Variants in MYH8 observed in about 807,000 individuals in gnomAD.
MYH8 encodes myosin-8.
Under a neutral mutation model 233.2 loss-of-function variants are expected in MYH8, and 168 were observed. The ratio of observed to expected loss-of-function variants is 0.72; its 90% CI spans 0.64 to 0.82. MYH8 has a LOEUF of 0.82. Ranked by LOEUF, MYH8 falls within the 40% of genes least tolerant of loss-of-function variation. The pLI, the probability that MYH8 is intolerant of heterozygous loss-of-function variation, is 0.00. For synonymous variants in MYH8, 785 were observed against 850.6 expected (o/e 0.92, Z 1.34); for missense variants, 1,995 against 2,327.8 (o/e 0.86, Z 2.94).
chr17:10,415,842 A>T lies in MYH8; in HGVS notation c.512-134T>A. The T allele has an allele frequency of 2.1e-6, 2 of 963,112 alleles. No individual in the cohort carries two copies. The highest frequency in any genetic ancestry group is 3.2e-6 in the Non-Finnish European group (2 of 626,978). The allele number at this position is 963,112 out of a possible 1,614,324, so 59.7% of individuals were successfully genotyped here. On this transcript the variant is annotated intron_variant, in intron 5 of 39. Transcript: ENST00000403437. The surrounding 1 kb of genome is among the most constrained non-coding windows in gnomAD (Gnocchi z 4.1). Reference sequence around the variant, plus strand: ...CACCTTTGGTTTTGATTTTGTGTTTATCCTCCAAAATAGCCAATTGCTTCT... The same window carrying T: ...CACCTTTGGTTTTGATTTTGTGTTTTTCCTCCAAAATAGCCAATTGCTTCT...
intron 2 of MYH8, among the ~76,000 whole-genome samples, chr17:10,421,292 AG>A (rs1475306393): frequency 6.6e-6 from 1 of 152,178 alleles, no homozygotes; most frequent in Non-Finnish European, 1.5e-5. Context: ...TTATATTTCT[AG>A]GTAAAAATCT....
At position 10,407,849 on chromosome 17, in the gene MYH8, T is replaced by A. The variant is rs531632501; in HGVS notation, c.1966-870A>T. On this transcript the variant is annotated intron_variant, in intron 17 of 39. Coordinates refer to ENST00000403437, the MANE Select transcript of MYH8 (RefSeq NM_002472.3). ...GCAAGACTCTGTCTCGAAAAAAAAA[T>A]AAATAAATAAAATAAAATAAAATTA... 7.3e-4 allele frequency among the ~76,000 whole-genome samples: 110 copies of A among 150,092 alleles called. 2 individuals carry two copies. The highest frequency in any genetic ancestry group is 1.4e-3 in the African/African-American group (58 of 40,984).
intron 34 of MYH8, 99 bp from the exon 35 acceptor site, chr17:10,394,551 A>T (rs2072062743): frequency 7.1e-7 from 1 of 1,404,138 alleles, no homozygotes. Context: ...GGAACAGAAG[A>T]TGACATATGC....
In MYH8 at chr17:10,396,534, G is replaced by T. The variant is rs745420504; in HGVS notation, c.4528+19C>A. On this transcript the variant is annotated intron_variant, in intron 32 of 39. Transcript: ENST00000403437. The surrounding 1 kb of genome is among the most constrained non-coding windows in gnomAD (Gnocchi z 4.2). The stretch of plus-strand genomic sequence containing the variant: ...TCCTCCCAGGGATATATGGAGTAGG[G>T]AGGACTGTGAGGACTCACGTTGCAA... 1 of 1,613,844 alleles carries T rather than the reference G, an allele frequency of 6.2e-7. No individual in the cohort carries two copies. The highest frequency in any genetic ancestry group is 2.2e-5 in the East Asian group (1 of 44,878).
chr17:10,393,426 G>A (rs1471701808), intron 35 of MYH8, among the ~76,000 whole-genome samples: 1 of 152,198 alleles, frequency 6.6e-6, no homozygotes, highest in East Asian at 1.9e-4. Context: ...AAGGACTTCT[G>A]AGGTTTGAGA....
rs1271227321 is a variant in MYH8 at position 10,406,299 on chromosome 17, G to A, written c.2270C>T (p.Thr757Ile). Residue 757 changes from threonine (T) to isoleucine (I), a missense_variant, in exon 20 of 40, where the codon ACT becomes ATT. Transcript: ENST00000403437. Reference protein sequence around the residue: ...KLLASIDIDHTQYKFGHTKVF... With the variant: ...KLLASIDIDHIQYKFGHTKVF... The stretch of plus-strand genomic sequence containing the variant: ...CTTGGTATGTCCAAATTTATATTGA[G>A]TATGATCAATATCAATAGATGCAAG... 1 of 1,613,214 alleles carries A rather than the reference G, an allele frequency of 6.2e-7. No individual in the cohort carries two copies. Among genetic ancestry groups the A allele is most frequent in the Admixed American group, 1.7e-5 (1 of 60,016 alleles).
chr17:10,393,869 C>A (rs2072052787), intron 35 of MYH8, among the ~76,000 whole-genome samples: 1 of 151,924 alleles, frequency 6.6e-6, no homozygotes, highest in Non-Finnish European at 1.5e-5. Context: ...CAATGAGAAA[C>A]ACTGCATGGA....
In MYH8 at chr17:10,420,158, T is replaced by C; in HGVS notation, c.70A>G (p.Lys24Glu). 1 of 1,614,174 alleles carries C rather than the reference T, an allele frequency of 6.2e-7. No individual in the cohort carries two copies. The highest frequency in any genetic ancestry group is 8.5e-7 in the Non-Finnish European group (1 of 1,180,042). The stretch of plus-strand genomic sequence containing the variant: ...TTGTTTTGGGCCTCAATCCGCTCCT[T>C]TTCTGATTTTCGAAGGTAGGGAGCA... ...EAAPYLRKSE[K>E]ERIEAQNKPF... Residue 24 changes from lysine to glutamate, a missense_variant, in exon 3 of 40, where the codon AAG (lysine) becomes GAG (glutamate). Physicochemically the swap from Lys to Glu is moderately conservative, Grantham distance 56. Coordinates refer to ENST00000403437, the MANE Select transcript of MYH8 (RefSeq NM_002472.3).
rs1290543576 is a variant in MYH8, at chr17:10,401,151, T to A, written c.3149A>T (p.Asp1050Val). Reference protein sequence around the residue: ...SLEQEKKLRMDLERAKRKLEG... With the variant: ...SLEQEKKLRMVLERAKRKLEG... ...CAGTTTCCGCTTTGCTCTTTCTAGATCCATTCGAAGCTTCTTTTCTTGTTC... is the reference window on the plus strand; with the variant it reads ...CAGTTTCCGCTTTGCTCTTTCTAGAACCATTCGAAGCTTCTTTTCTTGTTC... Residue 1050 changes from aspartate to valine, a missense_variant, in exon 25 of 40, where the codon GAT (aspartate) becomes GTT (valine). Physicochemically the swap from Asp to Val is radical, Grantham distance 152. Transcript: ENST00000403437. 6.2e-7 allele frequency: 1 copy of A among 1,613,834 alleles called. No individual in the cohort carries two copies. Among genetic ancestry groups the A allele is most frequent in the Admixed American group, 1.7e-5 (1 of 59,974 alleles).
chr17:10,421,935 G>A lies in MYH8; in HGVS notation c.-80C>T, dbSNP rs2072343498. On this transcript the variant is annotated 5_prime_UTR_variant, in exon 1 of 40. Coordinates refer to ENST00000403437, the MANE Select transcript of MYH8 (RefSeq NM_002472.3). Reference sequence around the variant, plus strand: ...CCAAGGCCTTCATCACTTACCTCTGGGTTCTTGGTGGAAATAAGGCACAAG... The same window carrying A: ...CCAAGGCCTTCATCACTTACCTCTGAGTTCTTGGTGGAAATAAGGCACAAG... The A allele has an allele frequency of 6.6e-6, 1 of 152,050 alleles. No homozygotes were observed. Among genetic ancestry groups the A allele is most frequent in the African/African-American group, 2.4e-5 (1 of 41,380 alleles). 9.4% of individuals were successfully genotyped at this position (152,050 alleles called of 1,614,324 possible). A position where few individuals can be genotyped will look rare whatever the true frequency, so the allele number is the denominator to read the frequency against.
chr17:10,390,475 G>A lies in MYH8; in HGVS notation c.5793C>T (p.His1931=). ...GTGTTTACTCTGCACTGATTTTTGT[G>A]TGAACCTCTCGGCTCTTCACTCGCA... ...NKLRVKSREV[H]TKISAE is the part of the protein sequence containing the mutation. Residue 1931 remains histidine (H), a synonymous_variant, in exon 40 of 40, where the codon CAC becomes CAT. Transcript: ENST00000403437. 1 of 1,613,740 alleles carries A rather than the reference G, an allele frequency of 6.2e-7. No homozygotes were observed. The highest frequency in any genetic ancestry group is 8.5e-7 in the Non-Finnish European group (1 of 1,180,036).
chr17:10,402,572 T>C (rs991221770), intron 22 of MYH8, among the ~76,000 whole-genome samples: 1 of 151,964 alleles, frequency 6.6e-6, no homozygotes, highest in African/African-American at 2.4e-5. Flanking sequence ...TTTTTAACAT[T>C]TTACTGTTTT....
Position 10,395,238 on chromosome 17 carries a change from C to A in MYH8, c.4857G>T (p.Lys1619Asn). ...TTTCATTCAGATCTCCTTCCATTTT[C>A]TTCTTGACTCTCAGAGCATCATTTC... ...RSRNDALRVK[K>N]KMEGDLNEME... Residue 1619 changes from lysine (K) to asparagine (N), a missense_variant, in exon 34 of 40, where the codon AAG becomes AAT. Physicochemically the swap from Lys to Asn is moderately conservative, Grantham distance 94. Around this residue, in one of 3 missense-constraint regions of MYH8, gnomAD observed 1,498 missense variants for 1,680.9 expected, o/e 0.89. Transcript: ENST00000403437. The A allele has an allele frequency of 6.2e-7, 1 of 1,614,152 alleles. No homozygotes were observed. The highest frequency in any genetic ancestry group is 2.2e-5 in the East Asian group (1 of 44,868).
intron 17 of MYH8, among the ~76,000 whole-genome samples, chr17:10,407,853 T>TAAATA (rs1374609214): frequency 6.6e-6 from 1 of 150,512 alleles, no homozygotes; most frequent in Non-Finnish European, 1.5e-5. Context: ...AAAAAATAAA[T>TAAATA]AAATAAAATA....
rs1203067291 is a variant in MYH8, at chr17:10,410,884, G to A, written c.1480C>T (p.His494Tyr). 3 of 1,613,836 alleles carry A rather than the reference G, an allele frequency of 1.9e-6. No homozygotes were observed. The highest frequency in any genetic ancestry group is 2.7e-5 in the African/African-American group (2 of 74,852). The change falls in exon 15 of 40, where the codon CAC becomes TAC. Residue 494 changes from histidine to tyrosine, a missense_variant. Physicochemically the swap from His to Tyr is moderately conservative, Grantham distance 83. This residue lies in a region of MYH8 where 18 missense variants were observed against 46.1 expected (regional missense o/e 0.39). Coordinates refer to ENST00000403437, the MANE Select transcript of MYH8 (RefSeq NM_002472.3). ...TNEKLQQFFN[H>Y]HMFVLEQEEY... ...TCCTGCTCTAGCACAAACATGTGGT[G>A]GTTGAAAAACTGTTGCAGTTTCTCG...
At position 10,390,436 on chromosome 17, in the gene MYH8, A is replaced by G. The variant is rs773239369; in HGVS notation, c.*18T>C. 1 of 1,612,866 alleles carries G rather than the reference A, an allele frequency of 6.2e-7. No homozygotes were observed. The highest frequency in any genetic ancestry group is 1.7e-5 in the Admixed American group (1 of 60,032). On this transcript the variant is annotated 3_prime_UTR_variant, in exon 40 of 40. Coordinates refer to ENST00000403437, the MANE Select transcript of MYH8 (RefSeq NM_002472.3). ...TTGTGCCTTTCTTCAGCCTCTTGATAGCATCAGGCAGGTGTGTTTACTCTG... is the reference window on the plus strand; with the variant it reads ...TTGTGCCTTTCTTCAGCCTCTTGATGGCATCAGGCAGGTGTGTTTACTCTG...
chr17:10,409,089 TACTTTACCCTGA>T lies in MYH8; in HGVS notation c.1961_1965+7del, dbSNP rs1432235673. On this transcript the variant is annotated splice_donor_variant and splice_donor_5th_base_variant and coding_sequence_variant and intron_variant, in exon 17 of 40. Transcript: ENST00000403437. LOFTEE classifies it high-confidence loss of function. ...GAGTAGATATTTCAAATTAAATTTG[TACTTTACCCTGA>T]AAAGGGCAGACACAGTCTGGAAAGA... 3 of 1,612,132 alleles carry T rather than the reference TACTTTACCCTGA, an allele frequency of 1.9e-6. 1 individual carries two copies. The South Asian group carries it at 3.3e-5, about 18-fold the overall frequency.
intron 19 of MYH8, 41 bp from the exon 20 acceptor site, chr17:10,406,438 A>G: frequency 6.2e-7 from 1 of 1,613,200 alleles, no homozygotes; most frequent in Non-Finnish European, 8.5e-7. Flanking sequence ...GGAAAATGTG[A>G]CCACATGCCA....
rs2142168889 is a variant in MYH8, at chr17:10,394,453, CTAA to C, written c.4963-4_4963-2del. On this transcript the variant is annotated splice_acceptor_variant and splice_polypyrimidine_tract_variant and intron_variant, in intron 34 of 39. Coordinates refer to ENST00000403437, the MANE Select transcript of MYH8 (RefSeq NM_002472.3). LOFTEE classifies it high-confidence loss of function. The stretch of plus-strand genomic sequence containing the variant: ...CATCATCCAGGTGGAGCTGGGTTTC[CTAA>C]TAAGTGAAAAACAGAAAGGCCTTAA... 1.2e-6 allele frequency: 2 copies of C among 1,614,042 alleles called. No individual in the cohort carries two copies. Among genetic ancestry groups the C allele is most frequent in the Non-Finnish European group, 1.7e-6 (2 of 1,180,004 alleles).
Sources: gnomAD v4.1 joint callset for allele counts (sites outside exome capture counted in the v4.1 genomes callset) on GRCh38, gnomAD v4.1.1 for gene constraint, gnomAD v4.1.1 regional missense constraint, Gnocchi (gnomAD v3.1) non-coding constraint, MANE v1.5 for transcripts, NCBI Gene and HGNC (gene_info 2026-07-23, HGNC 2026-07-21) for gene names.